The following NCAM2 variants were observed in gnomAD, a reference collection of about 807,000 sequenced individuals.
The protein encoded by NCAM2 is neural cell adhesion molecule 2, also known as N-CAM-2.
A neutral mutation model predicts 98.1 loss-of-function variants in NCAM2; 30 were observed. The observed-to-expected ratio is 0.31, with a 90% confidence interval of 0.23 to 0.41. The LOEUF (loss-of-function observed/expected upper bound fraction) is 0.41, where lower values mean the gene tolerates loss of function less well. Ranked by LOEUF, NCAM2 falls within the 10% of genes least tolerant of loss-of-function variation. NCAM2 has a pLI of 1.00. For synonymous variants in NCAM2, 368 were observed against 342.4 expected (o/e 1.07, Z -0.83); for missense variants, 867 against 1,005.8 (o/e 0.86, Z 1.87).
intron 1 of NCAM2, among the ~76,000 whole-genome samples, chr21:21,244,763 C>G (rs1188136726): frequency 6.9e-6 from 1 of 144,828 alleles, no homozygotes; most frequent in Non-Finnish European, 1.5e-5. Flanking sequence ...AGGAGAATCA[C>G]TTGAACCTGG....
At chr21:21,484,962 T>A (rs947715112) in intron 15 of NCAM2, among the ~76,000 whole-genome samples, 6 of 152,152 alleles carry the variant, frequency 3.9e-5, no homozygotes, top group South Asian at 2.1e-4. Flanking sequence ...CCATACTTTT[T>A]AAAAATCATA....
intron 16 of NCAM2, among the ~76,000 whole-genome samples, chr21:21,517,573 C>T (rs1490229939): frequency 6.6e-6 from 1 of 152,108 alleles, no homozygotes; most frequent in Non-Finnish European, 1.5e-5. Flanking sequence ...AAAACTTTAA[C>T]ACAGCCAGGG....
intron 6 of NCAM2, among the ~76,000 whole-genome samples, chr21:21,331,316 T>C (rs2074672202): frequency 6.6e-6 from 1 of 150,856 alleles, no homozygotes; most frequent in South Asian, 2.1e-4. Flanking sequence ...TTTTAATTAC[T>C]ATTTAGAGAA....
chr21:21,069,989 C>T (rs980315974), intron 1 of NCAM2, among the ~76,000 whole-genome samples: 41 of 152,136 alleles, frequency 2.7e-4, no homozygotes, highest in African/African-American at 8.7e-4. Context: ...ACTGTGAACA[C>T]CGGCAATTTA....
chr21:21,164,584 A>G (rs537564296), intron 1 of NCAM2, among the ~76,000 whole-genome samples: 1 of 152,206 alleles, frequency 6.6e-6, no homozygotes, highest in Non-Finnish European at 1.5e-5. Flanking sequence ...GTTTCTCTAC[A>G]AGGTTCTAAT....
At chr21:21,500,638 T>C (rs1470038720) in intron 15 of NCAM2, among the ~76,000 whole-genome samples, 1 of 152,128 alleles carries the variant, frequency 6.6e-6, no homozygotes, top group Non-Finnish European at 1.5e-5. Flanking sequence ...ATTTTTTTCT[T>C]ACCACCCACA....
intron 1 of NCAM2, among the ~76,000 whole-genome samples, chr21:21,033,325 G>A (rs1403422508): frequency 6.6e-6 from 1 of 152,168 alleles, no homozygotes; most frequent in Admixed American, 6.5e-5. Context: ...GCATGGGAAA[G>A]TTTAAATTTG....
intron 8 of NCAM2, among the ~76,000 whole-genome samples, chr21:21,364,404 G>A (rs751089522): frequency 6.6e-6 from 1 of 151,724 alleles, no homozygotes; most frequent in Non-Finnish European, 1.5e-5. Flanking sequence ...GACAAATAAT[G>A]CATATGAATC....
intron 5 of NCAM2, among the ~76,000 whole-genome samples, chr21:21,299,397 G>A (rs2073624551): frequency 6.6e-6 from 1 of 151,462 alleles, no homozygotes; most frequent in African/African-American, 2.4e-5. Context: ...ATAAAGCAGA[G>A]AGAATTCAAC....
At chr21:21,296,681 A>G (rs1409678889) in intron 5 of NCAM2, among the ~76,000 whole-genome samples, 1 of 151,764 alleles carries the variant, frequency 6.6e-6, no homozygotes, top group Non-Finnish European at 1.5e-5. Context: ...AAGTGAGTTC[A>G]TGTGAGAGAT....
intron 1 of NCAM2, among the ~76,000 whole-genome samples, chr21:21,032,988 A>G (rs2064720816): frequency 6.8e-6 from 1 of 147,768 alleles, no homozygotes; most frequent in Non-Finnish European, 1.5e-5. Context: ...CTTGTTGCCC[A>G]GGCTGGAGTG....
intron 9 of NCAM2, among the ~76,000 whole-genome samples, chr21:21,394,031 G>A (rs1237054557): frequency 6.6e-6 from 1 of 152,144 alleles, no homozygotes; most frequent in African/African-American, 2.4e-5. Context: ...TATGTGCTAA[G>A]AAGTCACATA....
intron 16 of NCAM2, among the ~76,000 whole-genome samples, chr21:21,532,525 T>C (rs995325371): frequency 6.6e-6 from 1 of 152,158 alleles, no homozygotes; most frequent in African/African-American, 2.4e-5. Context: ...TTTAAAGATA[T>C]TTGTTTGCAT....
intron 1 of NCAM2, among the ~76,000 whole-genome samples, chr21:21,216,128 A>C (rs768517126): frequency 2.6e-5 from 4 of 152,194 alleles, no homozygotes; most frequent in African/African-American, 4.8e-5. Context: ...GAGATAGTCA[A>C]TAAATAACTA....
intron 14 of NCAM2, 140 bp from the exon 15 acceptor site, chr21:21,477,151 A>C: frequency 1.9e-6 from 1 of 515,556 alleles, no homozygotes; most frequent in Non-Finnish European, 3.2e-6. Flanking sequence ...TGACACAGCA[A>C]CTTCATGTAT....
At chr21:21,189,675 A>C in intron 1 of NCAM2, among the ~76,000 whole-genome samples, 1 of 152,340 alleles carries the variant, frequency 6.6e-6, no homozygotes, top group African/African-American at 2.4e-5. Context: ...CTGAAACCTG[A>C]TTATTTTTAT....
chr21:21,387,388 A>G (rs1291311749), intron 9 of NCAM2, among the ~76,000 whole-genome samples: 2 of 152,266 alleles, frequency 1.3e-5, no homozygotes, highest in East Asian at 3.9e-4. Flanking sequence ...GGACACAAGC[A>G]TTCAGTGAGC....
intron 8 of NCAM2, among the ~76,000 whole-genome samples, chr21:21,370,410 T>C (rs1046122469): frequency 2.0e-5 from 3 of 151,930 alleles, no homozygotes; most frequent in Non-Finnish European, 4.4e-5. Context: ...TGCCATCAAA[T>C]GTTTCAAACA....
chr21:21,114,628 AC>A (rs1461026299), intron 1 of NCAM2, among the ~76,000 whole-genome samples: 1 of 152,196 alleles, frequency 6.6e-6, no homozygotes, highest in Admixed American at 6.5e-5. Flanking sequence ...TGCCAATGGT[AC>A]TACAAAAGTG....
Sources: gnomAD v4.1 joint callset for allele counts (sites outside exome capture counted in the v4.1 genomes callset) on GRCh38, gnomAD v4.1.1 for gene constraint, MANE v1.5 for transcripts, NCBI Gene and HGNC (gene_info 2026-07-23, HGNC 2026-07-21) for gene names.